RABL6: variants seen among roughly 807,000 people sequenced by gnomAD.
The protein encoded by RABL6 is rab-like protein 6.
Under a neutral mutation model 72.9 loss-of-function variants are expected in RABL6, and 28 were observed. The ratio of observed to expected loss-of-function variants is 0.38; its 90% confidence interval spans 0.28 to 0.53. The LOEUF is 0.53. Among genes scored for constraint, RABL6 ranks in the 20% least tolerant of loss-of-function variants. The pLI is 0.80. For missense variants in RABL6, 1,029 were observed against 1,008.4 expected (o/e 1.02, Z -0.28); for synonymous variants, 477 against 421.2 (o/e 1.13, Z -1.62).
chr9:136,812,834 C>A, intron 1 of RABL6: 1 of 338,228 alleles, frequency 3.0e-6, no homozygotes, highest in South Asian at 2.8e-5. Flanking sequence ...TCTGCCTCCC[C>A]AGAAGCTGCC....
chr9:136,818,376 AAAAAAAAAAAAAAAAAAAAAAAAAAAAAC>A (rs1389923193), intron 1 of RABL6, among the ~76,000 whole-genome samples: 13 of 21,584 alleles, frequency 6.0e-4, no homozygotes, highest in Middle Eastern at 0.021. Flanking sequence ...AAAAAAAAAA[AAAAAAAAAAAAAAAAAAAAAAAAAAAAAC>A]CAAAGGTAAG....
chr9:136,821,491 C>T, intron 1 of RABL6: 1 of 985,362 alleles, frequency 1.0e-6, no homozygotes, highest in Non-Finnish European at 1.2e-6. Context: ...GCCGTTCTCT[C>T]GCGGGCCCAG....
chr9:136,837,752 T>G, intron 9 of RABL6, 90 bp downstream of exon 9: 1 of 1,543,852 alleles, frequency 6.5e-7, no homozygotes, highest in Non-Finnish European at 8.7e-7. Flanking sequence ...TCCACGCTTC[T>G]TCCTGCTTGT....
In RABL6 at chr9:136,840,626, C is replaced by T. The variant is rs774712265; in HGVS notation, c.*104C>T. On this transcript the variant is annotated 3_prime_UTR_variant, in exon 15 of 15. Transcript: ENST00000311502. The stretch of plus-strand genomic sequence containing the variant: ...GCCTTTGCCGCTGCCCCGTGGCTGC[C>T]GTGTGCGCTTCTGAGCTGGAAGAGG... The T allele has an allele frequency of 1.2e-4, 188 of 1,549,664 alleles. 3 individuals are homozygous for T. The highest frequency in any genetic ancestry group is 5.1e-4 in the South Asian group (43 of 84,032).
At chr9:136,822,894 C>T (rs1362354258) in intron 1 of RABL6, among the ~76,000 whole-genome samples, 2 of 152,140 alleles carry the variant, frequency 1.3e-5, no homozygotes, top group Non-Finnish European at 2.9e-5. Flanking sequence ...CGAGACCACC[C>T]TGGCTAACAC....
intron 1 of RABL6, among the ~76,000 whole-genome samples, chr9:136,818,362 C>CAAAAAAAAAAAAAAAAAAAAAA (rs1564360781): frequency 6.7e-5 from 1 of 15,008 alleles, no homozygotes; most frequent in Non-Finnish European, 1.2e-4. Flanking sequence ...GACTCTGTCT[C>CAAAAAAAAAAAAAAAAAAAAAA]AAAAAAAAAA....
chr9:136,811,355 C>T (rs532803385), intron 1 of RABL6, among the ~76,000 whole-genome samples: 2 of 151,840 alleles, frequency 1.3e-5, no homozygotes, highest in South Asian at 2.1e-4. Context: ...CGGTGGCTCA[C>T]GCCTGTAATC....
In RABL6 at chr9:136,837,772, G is replaced by A. The variant is rs199762490; in HGVS notation, c.1127-90G>A. On this transcript the variant is annotated intron_variant, in intron 9 of 14. Transcript: ENST00000311502. The stretch of plus-strand genomic sequence containing the variant: ...GCTTCTTCCTGCTTGTCCCAGTCCC[G>A]TGGGCACATCCCGGGTGGGCCTGGC... 225 of 1,535,412 alleles carry A rather than the reference G, an allele frequency of 1.5e-4. 2 individuals carry two copies. Among genetic ancestry groups the A allele is most frequent in the Non-Finnish European group, 1.5e-4 (170 of 1,136,530 alleles).
At chr9:136,832,183 C>T in intron 6 of RABL6, 82 bp from the exon 7 acceptor site, 1 of 1,323,736 alleles carries the variant, frequency 7.6e-7, no homozygotes, top group South Asian at 1.2e-5. Flanking sequence ...GCAGTGCGGA[C>T]CCACAGCTGT....
chr9:136,830,444 G>A (rs549984355), intron 5 of RABL6, among the ~76,000 whole-genome samples: 2 of 152,364 alleles, frequency 1.3e-5, no homozygotes, highest in East Asian at 1.9e-4. Context: ...GAGAGCCCTC[G>A]GTGGGGGTGT....
intron 8 of RABL6, chr9:136,836,812 G>A (rs1169121133): frequency 3.9e-6 from 1 of 253,538 alleles, no homozygotes; most frequent in South Asian, 4.1e-5. Context: ...CAGATCCGAA[G>A]TGACTTTCAG....
chr9:136,839,762 C>G lies in RABL6; in HGVS notation c.1827C>G (p.Pro609=). The part of the protein sequence containing the change: ...TDEDEGPAEP[P]PPPKLPLPAF... ...AGGATGAGGGCCCTGCCGAGCCGCCCCCACCCCCCAAGCTCCCTCTCCCCG... is the reference window on the plus strand; with the variant it reads ...AGGATGAGGGCCCTGCCGAGCCGCCGCCACCCCCCAAGCTCCCTCTCCCCG... The change falls in exon 13 of 15, where the codon CCC becomes CCG. Residue 609 remains proline (P), a synonymous_variant. Transcript: ENST00000311502. 6.2e-7 allele frequency: 1 copy of G among 1,612,334 alleles called. No homozygotes were observed. The highest frequency in any genetic ancestry group is 8.5e-7 in the Non-Finnish European group (1 of 1,179,484).
rs985228219 is a variant in RABL6, at chr9:136,808,026, C to G, written c.-171C>G. The G allele has an allele frequency of 1.9e-6, 2 of 1,043,972 alleles. No homozygotes were observed. The highest frequency in any genetic ancestry group is 3.4e-5 in the African/African-American group (2 of 58,166). 64.7% of individuals were successfully genotyped at this position (1,043,972 alleles called of 1,614,324 possible). ...GAGCGGAGCAGCCGCGGCTGAGGTT[C>G]CCGAGTCGCCGCTCGGGGCTGCGCT... On this transcript the variant is annotated 5_prime_UTR_variant, in exon 1 of 15. Transcript: ENST00000311502.
rs1211191935 is a variant in RABL6, at chr9:136,835,797, T to G, written c.761T>G (p.Leu254Arg). 1 of 1,554,926 alleles carries G rather than the reference T, an allele frequency of 6.4e-7. No individual in the cohort carries two copies. The highest frequency in any genetic ancestry group is 8.7e-7 in the Non-Finnish European group (1 of 1,150,442). The change falls in exon 8 of 15, where the codon CTG (leucine) becomes CGG (arginine). Residue 254 changes from leucine (L) to arginine (R), a missense_variant. Leu to Arg is a moderately radical substitution (Grantham distance 102). Transcript: ENST00000311502. Reference sequence around the variant, plus strand: ...AACCAGCTGGACATGGACGCCACGCTGGAGGAGCTGTCGGTGCAGCAGGAG... The same window carrying G: ...AACCAGCTGGACATGGACGCCACGCGGGAGGAGCTGTCGGTGCAGCAGGAG... ...ETNQLDMDAT[L>R]EELSVQQETE...
chr9:136,833,719 G>A (rs1334020361), intron 7 of RABL6: 1 of 1,550,394 alleles, frequency 6.4e-7, no homozygotes, highest in Non-Finnish European at 8.7e-7. Context: ...TCTTTCTCCA[G>A]AAGGATGTCA....
intron 1 of RABL6, chr9:136,822,029 AG>A: frequency 7.8e-7 from 1 of 1,289,704 alleles, no homozygotes; most frequent in Non-Finnish European, 1.0e-6. Context: ...AACAAGCTTC[AG>A]GGGAGAAGAA....
chr9:136,838,026 G>C lies in RABL6; in HGVS notation c.1280+11G>C. 6.4e-7 allele frequency: 1 copy of C among 1,553,880 alleles called. No homozygotes were observed. The highest frequency in any genetic ancestry group is 8.7e-7 in the Non-Finnish European group (1 of 1,148,968). ...GCAGGACAGCGACAGGTGAGGGGTGGGCCTGGGCCTCCTCTCCCATTGCCC... is the reference window on the plus strand; with the variant it reads ...GCAGGACAGCGACAGGTGAGGGGTGCGCCTGGGCCTCCTCTCCCATTGCCC... On this transcript the variant is annotated intron_variant, in intron 10 of 14. Transcript: ENST00000311502.
At chr9:136,814,583 C>CT (rs1588347648) in intron 1 of RABL6, 1 of 151,492 alleles carries the variant, frequency 6.6e-6, no homozygotes, top group Non-Finnish European at 1.5e-5. Context: ...AACCCCGTCT[C>CT]TACTAAAAAT....
chr9:136,840,761 T>TG lies in RABL6; in HGVS notation c.*241dup, dbSNP rs1848681615. 6.5e-6 allele frequency: 10 copies of TG among 1,548,082 alleles called. 1 individual carries two copies. Among genetic ancestry groups the TG allele is most frequent in the Non-Finnish European group, 8.7e-6 (10 of 1,146,804 alleles). On this transcript the variant is annotated 3_prime_UTR_variant, in exon 15 of 15. Coordinates refer to ENST00000311502, the MANE Select transcript of RABL6 (RefSeq NM_024718.5). Reference sequence around the variant, plus strand: ...GACAGCTGGCTTCAGCCAGGCTCGGTGGACACCCTGGCCCTCTCGGGGCAG... The same window carrying TG: ...GACAGCTGGCTTCAGCCAGGCTCGGTGGGACACCCTGGCCCTCTCGGGGCAG...
Sources: gnomAD v4.1 joint callset for allele counts (sites outside exome capture counted in the v4.1 genomes callset) on GRCh38, gnomAD v4.1.1 for gene constraint, MANE v1.5 for transcripts, NCBI Gene and HGNC (gene_info 2026-07-23, HGNC 2026-07-21) for gene names.